The following SLC9A9 variants were observed in gnomAD, a reference collection of about 807,000 sequenced individuals.
SLC9A9 encodes sodium/hydrogen exchanger 9.
Under a neutral mutation model 77.8 loss-of-function variants are expected in SLC9A9, and 62 were observed. That is an observed-to-expected ratio of 0.80 (90% CI 0.65 to 0.98). The LOEUF (loss-of-function observed/expected upper bound fraction) is 0.98, where lower values mean the gene tolerates loss of function less well. Among genes scored for constraint, SLC9A9 ranks in the 50% least tolerant of loss-of-function variants. The pLI, the probability that SLC9A9 is intolerant of heterozygous loss-of-function variation, is 0.00. For missense variants in SLC9A9, 775 were observed against 774.9 expected, an observed-to-expected ratio of 1.00 and a Z score of 0.00; for synonymous variants, 320 against 283.5, an observed-to-expected ratio of 1.13 and a Z score of -1.29.
At chr3:143,603,078 G>A (rs2108688617) in intron 6 of SLC9A9, among the ~76,000 whole-genome samples, 1 of 152,286 alleles carries the variant, frequency 6.6e-6, no homozygotes, top group South Asian at 2.1e-4. Context: ...TGCAAACTAG[G>A]CCTGCACCTT....
intron 8 of SLC9A9, among the ~76,000 whole-genome samples, chr3:143,572,687 G>C (rs911423692): frequency 7.2e-5 from 11 of 152,212 alleles, no homozygotes; most frequent in Non-Finnish European, 1.5e-4. Context: ...CAGTAATGTA[G>C]TCTTGATTAT....
chr3:143,696,319 T>A (rs2108785110), intron 4 of SLC9A9, among the ~76,000 whole-genome samples: 1 of 152,360 alleles, frequency 6.6e-6, no homozygotes, highest in South Asian at 2.1e-4. Context: ...AGTTAACTTT[T>A]GTACAAGGTG....
rs572527080 is a variant in SLC9A9 at position 143,661,751 on chromosome 3, C to T, written c.650-9391G>A. Among the ~76,000 whole-genome samples, 214 of 152,258 alleles carry T rather than the reference C, an allele frequency of 1.4e-3. 2 individuals are homozygous for T. Among genetic ancestry groups the T allele is most frequent in the African/African-American group, 5.0e-3 (206 of 41,546 alleles). On this transcript the variant is annotated intron_variant, in intron 5 of 15. Coordinates refer to ENST00000316549, the MANE Select transcript of SLC9A9 (RefSeq NM_173653.4). ...TGTTGGCCAGGCTGGTCTCGAACTC[C>T]TGACCTCAAATGATCCACCCACCTC... is the stretch of plus-strand genomic sequence containing the variant.
chr3:143,812,511 G>A (rs1430113466), intron 2 of SLC9A9, among the ~76,000 whole-genome samples: 1 of 152,216 alleles, frequency 6.6e-6, no homozygotes, highest in Non-Finnish European at 1.5e-5. Flanking sequence ...TCTGGCATGT[G>A]TAACAGAAAT....
chr3:143,457,277 C>A (rs2035111471), intron 12 of SLC9A9, among the ~76,000 whole-genome samples: 1 of 152,162 alleles, frequency 6.6e-6, no homozygotes, highest in South Asian at 2.1e-4. Context: ...CTTGGCCTCC[C>A]AAAATGCTGG....
At chr3:143,413,669 A>G (rs1212583312) in intron 12 of SLC9A9, among the ~76,000 whole-genome samples, 1 of 152,124 alleles carries the variant, frequency 6.6e-6, no homozygotes, top group Non-Finnish European at 1.5e-5. Flanking sequence ...AGTCTCAACC[A>G]TGGCTCTCCT....
At position 143,416,347 on chromosome 3, in the gene SLC9A9, C is replaced by T. The variant is rs774329535; in HGVS notation, c.1470-34233G>A. Among the ~76,000 whole-genome samples the T allele has an allele frequency of 1.6e-4, 25 of 152,220 alleles. No homozygotes were observed. The East Asian group carries it at 3.1e-3, about 19-fold the overall frequency. ...TAAAATTCTATCAAGCAGCACTGCA[C>T]GCTACAGAGAAATGTTTTGTGAAAG... On this transcript the variant is annotated intron_variant, in intron 12 of 15. Transcript: ENST00000316549.
intron 14 of SLC9A9, among the ~76,000 whole-genome samples, chr3:143,285,258 G>C (rs548425731): frequency 6.6e-6 from 1 of 152,178 alleles, no homozygotes; most frequent in East Asian, 1.9e-4. Flanking sequence ...AACAGGCCCT[G>C]GTGTGTGATG....
chr3:143,804,968 ACT>A (rs540574606), intron 2 of SLC9A9, among the ~76,000 whole-genome samples: 1 of 151,372 alleles, frequency 6.6e-6, no homozygotes, highest in Non-Finnish European at 1.5e-5. Context: ...AAAAAGGAGG[ACT>A]CTGTATATTT....
At chr3:143,728,469 GT>G (rs1449663717) in intron 4 of SLC9A9, among the ~76,000 whole-genome samples, 3 of 152,198 alleles carry the variant, frequency 2.0e-5, no homozygotes, top group East Asian at 3.9e-4. Flanking sequence ...GTGGAATAAA[GT>G]GGGCAAGGGG....
chr3:143,348,396 T>C (rs2032358309), intron 14 of SLC9A9, among the ~76,000 whole-genome samples: 1 of 152,220 alleles, frequency 6.6e-6, no homozygotes, highest in African/African-American at 2.4e-5. Flanking sequence ...GAAGTTAATA[T>C]GCCAATTATT....
intron 6 of SLC9A9, among the ~76,000 whole-genome samples, chr3:143,591,819 G>A (rs1195010364): frequency 7.2e-5 from 11 of 152,138 alleles, no homozygotes; most frequent in African/African-American, 2.4e-4. Context: ...ATATCGAGTT[G>A]GACAATAGGT....
chr3:143,449,821 TAC>T lies in SLC9A9; in HGVS notation c.1469+17214_1469+17215del, dbSNP rs1213838136. On this transcript the variant is annotated intron_variant, in intron 12 of 15. Transcript: ENST00000316549. ...TATTTTATATATATAATTATATATT[TAC>T]ATATATAATTATATGTATTATATAT... Among the ~76,000 whole-genome samples, 34 of 68,982 alleles carry T rather than the reference TAC, an allele frequency of 4.9e-4. 1 individual carries two copies. The highest frequency in any genetic ancestry group is 1.6e-3 in the East Asian group (4 of 2,534). The allele number at this position is 68,982 out of a possible 152,430, so 45.3% of individuals were successfully genotyped here.
intron 14 of SLC9A9, chr3:143,313,209 T>G (rs1576417868): frequency 6.6e-6 from 1 of 152,410 alleles, no homozygotes; most frequent in East Asian, 1.9e-4. Flanking sequence ...AGCCTGAGTC[T>G]GCTGTGGGTG....
Position 143,567,930 on chromosome 3 carries a change from G to A in SLC9A9, c.1000+6158C>T, listed in dbSNP as rs146709185. 4.5e-3 allele frequency among the ~76,000 whole-genome samples: 688 copies of A among 152,264 alleles called. 11 individuals carry two copies. Among genetic ancestry groups the A allele is most frequent in the African/African-American group, 0.016 (657 of 41,558 alleles). ...AGTATCCTAGCCTAGAGGCTGTGCCGTCTTTGAGACTGTCTTCCCTTCTGA... is the reference window on the plus strand; with the variant it reads ...AGTATCCTAGCCTAGAGGCTGTGCCATCTTTGAGACTGTCTTCCCTTCTGA... On this transcript the variant is annotated intron_variant, in intron 8 of 15. Transcript: ENST00000316549.
intron 4 of SLC9A9, among the ~76,000 whole-genome samples, chr3:143,749,859 A>G (rs2006655780): frequency 6.6e-6 from 1 of 152,226 alleles, no homozygotes; most frequent in South Asian, 2.1e-4. Context: ...TAAAATCAGG[A>G]ACAAAAGGAA....
At chr3:143,431,909 G>A (rs1239975073) in intron 12 of SLC9A9, among the ~76,000 whole-genome samples, 1 of 152,024 alleles carries the variant, frequency 6.6e-6, no homozygotes, top group Admixed American at 6.6e-5. Flanking sequence ...CTTTGCATAA[G>A]CTATTGCCAC....
chr3:143,703,933 A>G (rs11927652), intron 4 of SLC9A9, among the ~76,000 whole-genome samples: 81,064 of 152,018 alleles, frequency 0.53, 22,025 homozygotes, highest in Non-Finnish European at 0.57. Context: ...TACCCTGAGC[A>G]ACTATATGGC....
intron 1 of SLC9A9, among the ~76,000 whole-genome samples, chr3:143,843,754 C>G (rs761405780): frequency 2.6e-5 from 4 of 152,146 alleles, no homozygotes; most frequent in Non-Finnish European, 5.9e-5. Flanking sequence ...TGTCAGGGAG[C>G]AAGGAGCAAA....
Sources: gnomAD v4.1 joint callset for allele counts (sites outside exome capture counted in the v4.1 genomes callset) on GRCh38, gnomAD v4.1.1 for gene constraint, MANE v1.5 for transcripts, NCBI Gene and HGNC (gene_info 2026-07-23, HGNC 2026-07-21) for gene names.